Variants in MYRIP observed in about 807,000 individuals in gnomAD.
MYRIP encodes the protein rab effector MyRIP.
In MYRIP, 49 loss-of-function variants were observed where a neutral mutation model predicts 98.0. The ratio of observed to expected loss-of-function variants is 0.50; its 90% confidence interval spans 0.40 to 0.63. The LOEUF is 0.63. MYRIP is among the 30% of genes least tolerant of loss of function. The pLI is 0.00. For synonymous variants in MYRIP, 404 were observed against 409.5 expected (o/e 0.99, Z 0.16); for missense variants, 1,004 against 1,058.2 (o/e 0.95, Z 0.71).
chr3:40,089,470 C>T (rs938491661), intron 3 of MYRIP, among the ~76,000 whole-genome samples: 1 of 152,110 alleles, frequency 6.6e-6, no homozygotes, highest in Non-Finnish European at 1.5e-5. Flanking sequence ...TTAAGCTTGG[C>T]GGCTTTCCAT....
chr3:39,856,308 G>C (rs781687575), intron 1 of MYRIP, among the ~76,000 whole-genome samples: 1 of 151,372 alleles, frequency 6.6e-6, no homozygotes, highest in Non-Finnish European at 1.5e-5. Flanking sequence ...ATGCTGCTCT[G>C]TTCATACATG....
At chr3:40,076,435 C>T (rs1247691919) in intron 3 of MYRIP, among the ~76,000 whole-genome samples, 1 of 152,156 alleles carries the variant, frequency 6.6e-6, no homozygotes, top group Admixed American at 6.5e-5. Flanking sequence ...ATCACATTGC[C>T]CAACCACAAA....
chr3:40,185,072 G>A (rs953082504), intron 9 of MYRIP, among the ~76,000 whole-genome samples: 1 of 152,124 alleles, frequency 6.6e-6, no homozygotes, highest in African/African-American at 2.4e-5. Flanking sequence ...ATCTCAGTTG[G>A]GCAGAAACAT....
intron 3 of MYRIP, among the ~76,000 whole-genome samples, chr3:40,139,026 T>C (rs550721656): frequency 1.3e-5 from 2 of 152,248 alleles, no homozygotes; most frequent in Non-Finnish European, 2.9e-5. Context: ...TTTACTTCTA[T>C]GAGATCAATT....
At chr3:40,204,593 G>A (rs566303171) in intron 10 of MYRIP, among the ~76,000 whole-genome samples, 6 of 152,100 alleles carry the variant, frequency 3.9e-5, no homozygotes, top group African/African-American at 1.4e-4. Flanking sequence ...TAAATCAACC[G>A]ATTCAAAGAA....
At chr3:40,128,978 G>T (rs1051764102) in intron 3 of MYRIP, among the ~76,000 whole-genome samples, 1 of 152,052 alleles carries the variant, frequency 6.6e-6, no homozygotes, top group African/African-American at 2.4e-5. Flanking sequence ...TATAACTATT[G>T]TATCTGAATT....
chr3:40,131,241 G>A (rs1208404306), intron 3 of MYRIP, among the ~76,000 whole-genome samples: 7 of 152,098 alleles, frequency 4.6e-5, no homozygotes, highest in African/African-American at 1.7e-4. Context: ...AGCAAAGCTT[G>A]GTAGTGTTTT....
chr3:40,170,139 TGGGGCACACATTTAACC>T, intron 8 of MYRIP, 46 bp downstream of exon 8: 1 of 1,604,914 alleles, frequency 6.2e-7, no homozygotes, highest in East Asian at 2.2e-5. Context: ...CGTGCAGGTC[TGGGGCACACATTTAACC>T]CTCTGTAGTT....
At chr3:40,025,280 A>T (rs548172507) in intron 2 of MYRIP, among the ~76,000 whole-genome samples, 2 of 152,262 alleles carry the variant, frequency 1.3e-5, no homozygotes, top group Admixed American at 1.3e-4. Context: ...TGTGTCATTA[A>T]CATTTGGAGG....
intron 12 of MYRIP, among the ~76,000 whole-genome samples, chr3:40,244,104 T>C (rs1444598494): frequency 1.3e-5 from 2 of 152,202 alleles, no homozygotes; most frequent in Non-Finnish European, 2.9e-5. Context: ...ATCATGAGTC[T>C]CTTTGTTTCT....
At chr3:39,917,879 T>C (rs1360978966) in intron 2 of MYRIP, among the ~76,000 whole-genome samples, 1 of 152,166 alleles carries the variant, frequency 6.6e-6, no homozygotes, top group Non-Finnish European at 1.5e-5. Flanking sequence ...ACTTTATCTA[T>C]ATAAATAACC....
At position 39,984,618 on chromosome 3, in the gene MYRIP, G is replaced by C. The variant is rs552532145; in HGVS notation, c.111-59432G>C. 1.3e-4 allele frequency among the ~76,000 whole-genome samples: 20 copies of C among 152,196 alleles called. No individual in the cohort carries two copies. In the South Asian group the frequency reaches 3.5e-3, roughly 27 times the overall value. On this transcript the variant is annotated intron_variant, in intron 2 of 16. Transcript: ENST00000302541. ...ATATGTCCCACATTTTCTTAATCCA[G>C]TCTATCATTGTTGGACATTTGGGTT...
intron 2 of MYRIP, among the ~76,000 whole-genome samples, chr3:40,023,669 G>A (rs1299436059): frequency 2.6e-5 from 4 of 152,120 alleles, no homozygotes; most frequent in African/African-American, 7.2e-5. Context: ...CATTGGCAGA[G>A]CCTAACCAAC....
At chr3:40,033,616 A>T (rs1424424723) in intron 2 of MYRIP, among the ~76,000 whole-genome samples, 1 of 152,358 alleles carries the variant, frequency 6.6e-6, no homozygotes, top group South Asian at 2.1e-4. Flanking sequence ...GGGTAGGAAG[A>T]ATCAACATCA....
chr3:40,060,875 G>A (rs748210953), intron 3 of MYRIP, among the ~76,000 whole-genome samples: 1 of 152,140 alleles, frequency 6.6e-6, no homozygotes, highest in Non-Finnish European at 1.5e-5. Context: ...TTACAGGCAT[G>A]AGGCACCACG....
chr3:40,227,611 A>G (rs1447327869), intron 11 of MYRIP, among the ~76,000 whole-genome samples: 1 of 152,258 alleles, frequency 6.6e-6, no homozygotes, highest in East Asian at 1.9e-4. Flanking sequence ...AAAGAGCAGC[A>G]AAGTTTAACC....
chr3:40,139,384 G>A (rs150607090), intron 3 of MYRIP, among the ~76,000 whole-genome samples: 9 of 152,248 alleles, frequency 5.9e-5, no homozygotes, highest in African/African-American at 1.9e-4. Flanking sequence ...TTCTTGAGAA[G>A]TTATGTTGTG....
chr3:40,240,417 G>A (rs1169447744), intron 12 of MYRIP, among the ~76,000 whole-genome samples: 6 of 152,178 alleles, frequency 3.9e-5, no homozygotes, highest in South Asian at 2.1e-4. Flanking sequence ...GACAGTGGGC[G>A]CAGGTCAGTG....
chr3:40,171,826 G>A (rs1950622812), intron 8 of MYRIP, among the ~76,000 whole-genome samples: 1 of 152,244 alleles, frequency 6.6e-6, no homozygotes, highest in Admixed American at 6.5e-5. Context: ...TTCTCATGCT[G>A]CTAATAAAGA....
Sources: gnomAD v4.1 joint callset for allele counts (sites outside exome capture counted in the v4.1 genomes callset) on GRCh38, gnomAD v4.1.1 for gene constraint, MANE v1.5 for transcripts, NCBI Gene and HGNC (gene_info 2026-07-23, HGNC 2026-07-21) for gene names.